NCBP3: variants seen among roughly 807,000 people sequenced by gnomAD.
The protein encoded by NCBP3 is nuclear cap binding subunit 3.
In NCBP3, 20 loss-of-function variants were observed where a neutral mutation model predicts 75.7. The ratio of observed to expected loss-of-function variants is 0.26; its 90% CI spans 0.19 to 0.38. NCBP3 has a LOEUF of 0.38. Ranked by LOEUF, NCBP3 falls within the 10% of genes least tolerant of loss-of-function variation. The pLI is 1.00. For synonymous variants in NCBP3, 293 were observed against 290.5 expected, an observed-to-expected ratio of 1.01 and a Z score of -0.09; for missense variants, 678 against 796.9, an observed-to-expected ratio of 0.85 and a Z score of 1.80.
chr17:3,831,179 G>T (rs1039676729), intron 3 of NCBP3, among the ~76,000 whole-genome samples: 1 of 151,740 alleles, frequency 6.6e-6, no homozygotes, highest in African/African-American at 2.4e-5. Flanking sequence ...CCAAAGTGCT[G>T]GGATTACAGG....
At chr17:3,813,346 C>G in intron 12 of NCBP3, 67 bp from the exon 13 acceptor site, 2 of 1,572,230 alleles carry the variant, frequency 1.3e-6, no homozygotes, top group Non-Finnish European at 1.7e-6. Context: ...ACTGAGGGGG[C>G]AGCAGCACTG....
In NCBP3 at chr17:3,829,343, T is replaced by G. The variant is rs1015439634; in HGVS notation, c.381A>C (p.Thr127=). The G allele has an allele frequency of 6.4e-7, 1 of 1,551,976 alleles. No individual in the cohort carries two copies. Among genetic ancestry groups the G allele is most frequent in the Non-Finnish European group, 8.7e-7 (1 of 1,147,020 alleles). The part of the protein sequence containing the change: ...KKAIPKVRLE[T]IYICGVDEMS... The stretch of plus-strand genomic sequence containing the variant: ...TCTCATCTACTCCGCAAATATAGAT[T>G]GTCTCCAGTCTCACCTTGGGGATTG... Residue 127 remains threonine, a synonymous_variant, in exon 4 of 13, where the codon ACA becomes ACC. Transcript: ENST00000389005.
At chr17:3,820,136 G>A (rs575507119) in intron 9 of NCBP3, among the ~76,000 whole-genome samples, 6 of 152,174 alleles carry the variant, frequency 3.9e-5, no homozygotes, top group East Asian at 3.9e-4. Context: ...TTTTTGTAAC[G>A]ACAAGGTCTC....
chr17:3,843,213 G>C lies in NCBP3; in HGVS notation c.184-62C>G, dbSNP rs573868771. 6 of 1,354,172 alleles carry C rather than the reference G, an allele frequency of 4.4e-6. No individual in the cohort carries two copies. In the African/African-American group the frequency reaches 8.8e-5, roughly 20 times the overall value. The allele number at this position is 1,354,172 out of a possible 1,614,324, so 83.9% of individuals were successfully genotyped here. A position where few individuals can be genotyped will look rare whatever the true frequency, so the allele number is the denominator to read the frequency against. On this transcript the variant is annotated intron_variant, in intron 1 of 12. Transcript: ENST00000389005. ...AATTGAGGAAAAACCTATAATAAAA[G>C]TCGGCCTGACATCTGCAGGTTCTTT...
intron 10 of NCBP3, 44 bp from the exon 11 acceptor site, chr17:3,816,314 C>G: frequency 6.4e-7 from 1 of 1,563,716 alleles, no homozygotes; most frequent in Non-Finnish European, 8.7e-7. Context: ...CCAACTTCAA[C>G]TGTGAGACAA....
intron 10 of NCBP3, among the ~76,000 whole-genome samples, chr17:3,816,777 T>G (rs113878634): frequency 2.6e-5 from 4 of 152,246 alleles, no homozygotes; most frequent in African/African-American, 9.6e-5. Flanking sequence ...CTCATGCCTG[T>G]AATCCCAGCA....
At chr17:3,839,459 C>T (rs545766951) in intron 3 of NCBP3, among the ~76,000 whole-genome samples, 6 of 152,164 alleles carry the variant, frequency 3.9e-5, no homozygotes, top group Middle Eastern at 3.4e-3. Context: ...GCGATTCTCA[C>T]GCCTCAGCCT....
At chr17:3,835,591 T>G (rs1265653146) in intron 3 of NCBP3, among the ~76,000 whole-genome samples, 1 of 152,224 alleles carries the variant, frequency 6.6e-6, no homozygotes, top group Non-Finnish European at 1.5e-5. Context: ...AAGGCAATGC[T>G]CAACACAAGT....
chr17:3,821,337 A>G lies in NCBP3; in HGVS notation c.912T>C (p.His304=), dbSNP rs756677707. Reference sequence around the variant, plus strand: ...TCACGTCCCGCTGAATACGACGGGAATGATATCTTCGCTTCCTGCAAGAAT... The same window carrying G: ...TCACGTCCCGCTGAATACGACGGGAGTGATATCTTCGCTTCCTGCAAGAAT... ...ILSNSWKRRY[H]SRRIQRDVIK... Residue 304 remains histidine (H), a synonymous_variant, in exon 9 of 13, where the codon CAT becomes CAC. Coordinates refer to ENST00000389005, the MANE Select transcript of NCBP3 (RefSeq NM_001114118.3). The G allele has an allele frequency of 1.2e-6, 2 of 1,613,846 alleles. No homozygotes were observed. The highest frequency in any genetic ancestry group is 1.7e-6 in the Non-Finnish European group (2 of 1,179,742).
Position 3,837,525 on chromosome 17 carries a change from G to A in NCBP3, c.355+2575C>T, listed in dbSNP as rs113184626. ...TGCTGGGCAGTGGCCAAGGTGGGTG[G>A]ATCACGAGGTCAGGAGGTCAGGAGC... On this transcript the variant is annotated intron_variant, in intron 3 of 12. Transcript: ENST00000389005. Among the ~76,000 whole-genome samples, 458 of 151,264 alleles carry A rather than the reference G, an allele frequency of 3.0e-3. 4 individuals carry two copies. Among genetic ancestry groups the A allele is most frequent in the African/African-American group, 9.7e-3 (399 of 41,200 alleles).
rs761161303 is a variant in NCBP3, at chr17:3,818,133, G to A, written c.1310+130C>T. ...CTTGTATAGAGGAAATACTGGATGC[G>A]TTTATTAAACTCCTACAAGGGACTG... On this transcript the variant is annotated intron_variant, in intron 10 of 12. Coordinates refer to ENST00000389005, the MANE Select transcript of NCBP3 (RefSeq NM_001114118.3). This position sits in a 1 kb window ranked among gnomAD's most constrained non-coding sequence, Gnocchi z 4.7. The A allele has an allele frequency of 6.3e-5, 48 of 766,318 alleles. No individual in the cohort carries two copies. The highest frequency in any genetic ancestry group is 8.1e-5 in the Non-Finnish European group (41 of 508,984). The allele number at this position is 766,318 out of a possible 1,614,324, so 47.5% of individuals were successfully genotyped here.
Position 3,812,963 on chromosome 17 carries a change from T to G in NCBP3, c.*81A>C. The G allele has an allele frequency of 1.9e-6, 3 of 1,579,702 alleles. No homozygotes were observed. The highest frequency in any genetic ancestry group is 2.6e-6 in the Non-Finnish European group (3 of 1,163,344). ...GCAGGAGCGAGAGGGCGCCAGCTCC[T>G]GCGGGGGAGGTTCCTACTGCGCGCC... On this transcript the variant is annotated 3_prime_UTR_variant, in exon 13 of 13. Coordinates refer to ENST00000389005, the MANE Select transcript of NCBP3 (RefSeq NM_001114118.3).
intron 6 of NCBP3, 99 bp downstream of exon 6, chr17:3,825,668 C>A: frequency 1.2e-6 from 1 of 825,446 alleles, no homozygotes; most frequent in Non-Finnish European, 1.9e-6. Flanking sequence ...ATGGTGAAAG[C>A]TAGAGAAAAA....
chr17:3,832,382 C>T (rs1361390033), intron 3 of NCBP3, among the ~76,000 whole-genome samples: 1 of 119,244 alleles, frequency 8.4e-6, no homozygotes. Flanking sequence ...GCCTGTAATC[C>T]CAGCACTTTG....
At chr17:3,831,254 A>T (rs1567591109) in intron 3 of NCBP3, among the ~76,000 whole-genome samples, 1 of 151,838 alleles carries the variant, frequency 6.6e-6, no homozygotes, top group Non-Finnish European at 1.5e-5. Flanking sequence ...TTTAATCTCA[A>T]TTGCAAAATT....
At chr17:3,824,603 T>C (rs1250612678) in intron 7 of NCBP3, 1 of 184,502 alleles carries the variant, frequency 5.4e-6, no homozygotes, top group African/African-American at 2.4e-5. Flanking sequence ...AATGGTACAC[T>C]GGCAATGTTC....
At chr17:3,838,395 G>A (rs1030891609) in intron 3 of NCBP3, among the ~76,000 whole-genome samples, 1 of 152,232 alleles carries the variant, frequency 6.6e-6, no homozygotes, top group Non-Finnish European at 1.5e-5. Context: ...GTATGCTTGC[G>A]CCCGGCTGTG....
chr17:3,814,508 A>C (rs745735124), intron 11 of NCBP3, 25 bp from the exon 12 acceptor site: 3 of 1,612,602 alleles, frequency 1.9e-6, no homozygotes, highest in Non-Finnish European at 2.5e-6. Context: ...AAAGTGCACC[A>C]GTGACCGTGT....
chr17:3,841,605 T>C (rs868624788), intron 2 of NCBP3, among the ~76,000 whole-genome samples: 140 of 148,884 alleles, frequency 9.4e-4, no homozygotes, highest in Non-Finnish European at 1.4e-3. Context: ...TCTCTCTCTT[T>C]TTTTTTTTTT....
Sources: gnomAD v4.1 joint callset for allele counts (sites outside exome capture counted in the v4.1 genomes callset) on GRCh38, gnomAD v4.1.1 for gene constraint, Gnocchi (gnomAD v3.1) non-coding constraint, MANE v1.5 for transcripts, NCBI Gene and HGNC (gene_info 2026-07-23, HGNC 2026-07-21) for gene names.